The following SLC17A8 variants were observed in gnomAD, a reference collection of about 807,000 sequenced individuals.
The protein encoded by SLC17A8 is vesicular glutamate transporter 3.
In SLC17A8, 31 loss-of-function variants were observed where a neutral mutation model predicts 58.0. The ratio of observed to expected loss-of-function variants is 0.53; its 90% CI spans 0.40 to 0.72. The LOEUF (loss-of-function observed/expected upper bound fraction) is 0.72. Ranked by LOEUF, SLC17A8 falls within the 30% of genes least tolerant of loss-of-function variation. SLC17A8 has a pLI of 0.00. For synonymous variants in SLC17A8, 228 were observed against 249.0 expected (o/e 0.92, Z 0.79); for missense variants, 655 against 727.8 (o/e 0.90, Z 1.15).
chr12:100,385,291 C>T (rs1046570341), intron 2 of SLC17A8, among the ~76,000 whole-genome samples: 4 of 132,286 alleles, frequency 3.0e-5, no homozygotes, highest in African/African-American at 5.9e-5. Flanking sequence ...GGCTGGAGTG[C>T]GGTGACATGA....
At chr12:100,396,050 G>A (rs1952751354) in intron 4 of SLC17A8, among the ~76,000 whole-genome samples, 1 of 152,192 alleles carries the variant, frequency 6.6e-6, no homozygotes, top group African/African-American at 2.4e-5. Context: ...GAACGGATGA[G>A]GGAGCTCTCT....
intron 1 of SLC17A8, among the ~76,000 whole-genome samples, chr12:100,376,615 T>C (rs11612166): frequency 0.035 from 5,331 of 152,294 alleles, 114 homozygotes; most frequent in African/African-American, 0.065. Context: ...AGTATTAGAT[T>C]TCCCATGTCT....
At chr12:100,416,747 G>C (rs922973417) in intron 10 of SLC17A8, among the ~76,000 whole-genome samples, 31 of 152,182 alleles carry the variant, frequency 2.0e-4, no homozygotes, top group Admixed American at 1.0e-3. Context: ...CACCTGTAAA[G>C]AGCATGCATG....
intron 1 of SLC17A8, among the ~76,000 whole-genome samples, chr12:100,360,598 C>T (rs190230415): frequency 2.0e-5 from 3 of 152,284 alleles, no homozygotes; most frequent in Non-Finnish European, 4.4e-5. Flanking sequence ...CAGCATCTAG[C>T]AATAATTTTA....
intron 9 of SLC17A8, among the ~76,000 whole-genome samples, chr12:100,408,521 C>T (rs1177166419): frequency 6.6e-6 from 1 of 152,174 alleles, no homozygotes; most frequent in Non-Finnish European, 1.5e-5. Flanking sequence ...CTGATTACCC[C>T]TAAAGTTGAA....
chr12:100,400,228 C>T (rs1364778433), intron 5 of SLC17A8, among the ~76,000 whole-genome samples: 1 of 152,118 alleles, frequency 6.6e-6, no homozygotes, highest in African/African-American at 2.4e-5. Context: ...CAAAGGCCAC[C>T]CTATCTCCAC....
intron 1 of SLC17A8, among the ~76,000 whole-genome samples, chr12:100,378,962 C>T (rs1387793210): frequency 6.6e-6 from 1 of 152,152 alleles, no homozygotes; most frequent in East Asian, 1.9e-4. Context: ...GTCTTTCTTC[C>T]CCATCAGCCT....
intron 2 of SLC17A8, 43 bp downstream of exon 2, chr12:100,380,996 G>A (rs1159516797): frequency 6.2e-7 from 1 of 1,611,222 alleles, no homozygotes; most frequent in Admixed American, 1.7e-5. Flanking sequence ...TTTTGAGACA[G>A]GGTCTCGCTC....
intron 5 of SLC17A8, among the ~76,000 whole-genome samples, chr12:100,399,978 C>T (rs1011419212): frequency 6.6e-6 from 1 of 152,168 alleles, no homozygotes; most frequent in Non-Finnish European, 1.5e-5. Context: ...GCCTCCCCTC[C>T]TCCAGCCTGG....
intron 2 of SLC17A8, among the ~76,000 whole-genome samples, chr12:100,385,137 A>T (rs564312355): frequency 8.3e-4 from 120 of 144,930 alleles, no homozygotes; most frequent in South Asian, 1.3e-3. Flanking sequence ...TGTGTGTGAG[A>T]GAGAGAGAGA....
chr12:100,359,635 A>C (rs1381070972), intron 1 of SLC17A8, among the ~76,000 whole-genome samples: 1 of 152,180 alleles, frequency 6.6e-6, no homozygotes, highest in Non-Finnish European at 1.5e-5. Flanking sequence ...CTATAGAGAG[A>C]AATTATTGGC....
Position 100,393,361 on chromosome 12 carries a change from TC to T in SLC17A8, c.474-3del, listed in dbSNP as rs757414143. On this transcript the variant is annotated splice_polypyrimidine_tract_variant and splice_region_variant and intron_variant, in intron 3 of 11. Coordinates refer to ENST00000323346, the MANE Select transcript of SLC17A8 (RefSeq NM_139319.3). ...CCTGCCGAATAACACAATGCTTTGG[TC>T]CCCCAGGGTCTTTGGAGCTGCCATC... 6.2e-7 allele frequency: 1 copy of T among 1,604,362 alleles called. No homozygotes were observed. The highest frequency in any genetic ancestry group is 1.7e-5 in the Admixed American group (1 of 59,964).
Position 100,402,365 on chromosome 12 carries a change from G to A in SLC17A8, c.789G>A (p.Met263Ile), listed in dbSNP as rs752395647. 15 of 1,614,116 alleles carry A rather than the reference G, an allele frequency of 9.3e-6. No homozygotes were observed. The highest frequency in any genetic ancestry group is 3.3e-5 in the Admixed American group (2 of 60,004). Residue 263 changes from methionine to isoleucine, a missense_variant, in exon 7 of 12, where the codon ATG becomes ATA. Transcript: ENST00000323346. ...IYGMFGIIWY[M>I]FWLLQAYECP... ...GCATGTTTGGGATTATTTGGTACAT[G>A]TTTTGGCTGTTGCAGGCCTATGAGT...
intron 10 of SLC17A8, among the ~76,000 whole-genome samples, chr12:100,413,308 G>A (rs921154741): frequency 3.9e-5 from 6 of 152,102 alleles, no homozygotes; most frequent in Non-Finnish European, 5.9e-5. Context: ...TTTTAAGAGT[G>A]AAAACCTTCT....
chr12:100,383,563 AAAAACTAGAT>A (rs1952651853), intron 2 of SLC17A8, among the ~76,000 whole-genome samples: 1 of 152,226 alleles, frequency 6.6e-6, no homozygotes, highest in Non-Finnish European at 1.5e-5. Context: ...GTTTTAAGGG[AAAAACTAGAT>A]ATTTGGCACT....
chr12:100,388,678 C>T (rs746324166), intron 2 of SLC17A8, among the ~76,000 whole-genome samples: 10 of 152,030 alleles, frequency 6.6e-5, no homozygotes, highest in Non-Finnish European at 1.0e-4. Context: ...AACAGATGGG[C>T]GGATAAATAT....
intron 9 of SLC17A8, 124 bp downstream of exon 9, chr12:100,404,294 TC>T: frequency 7.9e-7 from 1 of 1,270,584 alleles, no homozygotes; most frequent in East Asian, 2.5e-5. Flanking sequence ...TCTAAGTCTG[TC>T]CCTCAGCAGA....
intron 9 of SLC17A8, among the ~76,000 whole-genome samples, 156 bp from the exon 10 acceptor site, chr12:100,412,609 AAACTT>A (rs1209934681): frequency 2.6e-5 from 4 of 151,644 alleles, no homozygotes; most frequent in African/African-American, 7.3e-5. Context: ...AAAAAAAAAA[AAACTT>A]AAATTCCAGA....
chr12:100,402,822 ATAAT>A, intron 8 of SLC17A8, 77 bp downstream of exon 8: 3 of 1,405,070 alleles, frequency 2.1e-6, no homozygotes, highest in South Asian at 1.3e-5. Flanking sequence ...GTATGATAAA[ATAAT>A]TAAATTGCTG....
Sources: allele counts gnomAD v4.1 joint callset (sites outside exome capture counted in the v4.1 genomes callset), GRCh38; gene constraint gnomAD v4.1.1; transcripts MANE v1.5; gene names NCBI Gene and HGNC (gene_info 2026-07-23, HGNC 2026-07-21).